Variants in ASAP2 observed in about 807,000 individuals in gnomAD.
The protein encoded by ASAP2 is ArfGAP with SH3 domain, ankyrin repeat and PH domain 2, also known as arf-GAP with SH3 domain, ANK repeat and PH domain-containing protein 2.
In ASAP2, 45 loss-of-function variants were observed where a neutral mutation model predicts 131.4. That is an observed-to-expected ratio of 0.34 (90% confidence interval 0.27 to 0.44). The LOEUF (loss-of-function observed/expected upper bound fraction) is 0.44, where lower values mean the gene tolerates loss of function less well. ASAP2 is among the 20% of genes least tolerant of loss of function. The pLI, the probability that ASAP2 is intolerant of heterozygous loss-of-function variation, is 1.00. For missense variants in ASAP2, 1,011 were observed against 1,297.0 expected, an observed-to-expected ratio of 0.78 and a Z score of 3.39; for synonymous variants, 510 against 503.0, an observed-to-expected ratio of 1.01 and a Z score of -0.19.
rs1030920526 is a variant in ASAP2 at position 9,268,539 on chromosome 2, A to C, written c.127-10778A>C. ...AAACGGAGCCCACAGGTCACAGTGC[A>C]AGTCTACGCTTCCCAAAAGGCTTCT... On this transcript the variant is annotated intron_variant, in intron 1 of 27. Coordinates refer to ENST00000281419, the MANE Select transcript of ASAP2 (RefSeq NM_003887.3). This position sits in a 1 kb window ranked among gnomAD's most constrained non-coding sequence, Gnocchi z 4.1. Among the ~76,000 whole-genome samples, 2 of 152,174 alleles carry C rather than the reference A, an allele frequency of 1.3e-5. No individual in the cohort carries two copies. Among genetic ancestry groups the C allele is most frequent in the African/African-American group, 4.8e-5 (2 of 41,440 alleles).
At chr2:9,366,841 T>C (rs1182793167) in intron 15 of ASAP2, among the ~76,000 whole-genome samples, 2 of 152,150 alleles carry the variant, frequency 1.3e-5, no homozygotes, top group African/African-American at 4.8e-5. Context: ...AAAAATTGCG[T>C]CTGCATCCTC....
chr2:9,335,283 T>G, intron 9 of ASAP2, 104 bp downstream of exon 9: 1 of 955,086 alleles, frequency 1.0e-6, no homozygotes, highest in Non-Finnish European at 1.7e-6. Flanking sequence ...CACAGTTCAC[T>G]CGGGCTGTGT....
intron 15 of ASAP2, among the ~76,000 whole-genome samples, chr2:9,367,047 T>A (rs1035204057): frequency 6.7e-6 from 1 of 149,074 alleles, no homozygotes; most frequent in African/African-American, 2.5e-5. Flanking sequence ...TTTTTTTTTG[T>A]AGAGATGGAG....
chr2:9,291,475 T>C lies in ASAP2; in HGVS notation c.200-5825T>C, dbSNP rs180948620. Among the ~76,000 whole-genome samples the C allele has an allele frequency of 3.3e-5, 5 of 152,298 alleles. No homozygotes were observed. The East Asian group carries it at 5.8e-4, about 18-fold the overall frequency. ...CAAGTGAGGTCGGAAACAGGTGGCA[T>C]GTACAGCCGACAGCCGGAGGAAATG... On this transcript the variant is annotated intron_variant, in intron 2 of 27. Coordinates refer to ENST00000281419, the MANE Select transcript of ASAP2 (RefSeq NM_003887.3).
intron 14 of ASAP2, 60 bp from the exon 15 acceptor site, chr2:9,358,696 A>T (rs1041270310): frequency 6.4e-7 from 1 of 1,566,448 alleles, no homozygotes; most frequent in Non-Finnish European, 8.7e-7. Context: ...AGGAAGAAAG[A>T]TGTGACTCCT....
chr2:9,287,607 A>C (rs987093730), intron 2 of ASAP2, among the ~76,000 whole-genome samples: 3 of 152,144 alleles, frequency 2.0e-5, no homozygotes, highest in Non-Finnish European at 4.4e-5. Context: ...CTCAGATATG[A>C]GGGAGAGGAT....
chr2:9,236,045 A>G (rs551627568), intron 1 of ASAP2, among the ~76,000 whole-genome samples: 1 of 152,270 alleles, frequency 6.6e-6, no homozygotes, highest in African/African-American at 2.4e-5. Context: ...CACCCACCAC[A>G]AAGAAGTACC....
chr2:9,351,009 A>C, intron 12 of ASAP2, 114 bp downstream of exon 12: 2 of 759,110 alleles, frequency 2.6e-6, no homozygotes, highest in Non-Finnish European at 4.0e-6. Flanking sequence ...GAAGAGACAT[A>C]CCCTTTTTCT....
intron 1 of ASAP2, among the ~76,000 whole-genome samples, chr2:9,267,357 C>T (rs1054213335): frequency 1.3e-5 from 2 of 152,094 alleles, no homozygotes; most frequent in African/African-American, 4.8e-5. Flanking sequence ...CATGAGTACT[C>T]AACATTTAGC....
chr2:9,269,398 T>C (rs1444079653), intron 1 of ASAP2, among the ~76,000 whole-genome samples: 1 of 152,140 alleles, frequency 6.6e-6, no homozygotes, highest in African/African-American at 2.4e-5. Context: ...CCGCAGGCCG[T>C]GTGTGCCCAC....
rs147656958 is a variant in ASAP2 at position 9,218,668 on chromosome 2, C to T, written c.126+11438C>T. On this transcript the variant is annotated intron_variant, in intron 1 of 27. Transcript: ENST00000281419. Reference sequence around the variant, plus strand: ...CCTTGGAGCAGGTGACTTCACTGGTCCTGCCTCAGTTGCGTCATTTGTAAC... The same window carrying T: ...CCTTGGAGCAGGTGACTTCACTGGTTCTGCCTCAGTTGCGTCATTTGTAAC... 6.4e-3 allele frequency among the ~76,000 whole-genome samples: 967 copies of T among 152,278 alleles called. 5 individuals carry two copies. The highest frequency in any genetic ancestry group is 0.017 in the Middle Eastern group (5 of 294).
In ASAP2 at chr2:9,380,648, G is replaced by A. The variant is rs1674765816; in HGVS notation, c.1949-93G>A. The A allele has an allele frequency of 7.6e-6, 9 of 1,181,986 alleles. No individual in the cohort carries two copies. The Admixed American group carries it at 1.5e-4, about 20-fold the overall frequency. 73.2% of individuals were successfully genotyped at this position (1,181,986 alleles called of 1,614,324 possible). Reference sequence around the variant, plus strand: ...TTAACCAGGCCCAATTTAATTTAGTGCTGCCTTTCTGTTCCTTTTAAAAAT... The same window carrying A: ...TTAACCAGGCCCAATTTAATTTAGTACTGCCTTTCTGTTCCTTTTAAAAAT... On this transcript the variant is annotated intron_variant, in intron 19 of 27. Transcript: ENST00000281419.
At chr2:9,285,210 A>G (rs1667390810) in intron 2 of ASAP2, among the ~76,000 whole-genome samples, 1 of 152,188 alleles carries the variant, frequency 6.6e-6, no homozygotes, top group Non-Finnish European at 1.5e-5. Context: ...AGAGAGTATC[A>G]GAATACCCCG....
chr2:9,339,442 C>G (rs914773130), intron 9 of ASAP2, among the ~76,000 whole-genome samples: 16 of 152,110 alleles, frequency 1.1e-4, no homozygotes, highest in African/African-American at 3.9e-4. Flanking sequence ...TCAGAGTTTT[C>G]AGGAGATCTA....
At chr2:9,252,681 T>TGAGGC (rs1484363263) in intron 1 of ASAP2, among the ~76,000 whole-genome samples, 1 of 151,998 alleles carries the variant, frequency 6.6e-6, no homozygotes, top group Non-Finnish European at 1.5e-5. Flanking sequence ...TTAGGGAGGT[T>TGAGGC]GAGGCGGGCA....
chr2:9,313,518 C>T (rs560337132), intron 3 of ASAP2, among the ~76,000 whole-genome samples: 1 of 152,348 alleles, frequency 6.6e-6, no homozygotes, highest in African/African-American at 2.4e-5. Flanking sequence ...TTCCCCACAA[C>T]CCACCTTATC....
intron 25 of ASAP2, 77 bp downstream of exon 25, chr2:9,400,149 G>C: frequency 1.5e-6 from 2 of 1,373,398 alleles, no homozygotes; most frequent in East Asian, 4.7e-5. Context: ...CCTGCCAGGT[G>C]GTCAGGACTG....
chr2:9,389,996 G>A lies in ASAP2; in HGVS notation c.2384-1066G>A, dbSNP rs915017353. ...ATTTTGATCATCCTCCTTCCCAGCA[G>A]TGGCTTTTGCTGACTGTGTGTGTCA... On this transcript the variant is annotated intron_variant, in intron 22 of 27. Transcript: ENST00000281419. This position sits in a 1 kb window ranked among gnomAD's most constrained non-coding sequence, Gnocchi z 4.7. Among the ~76,000 whole-genome samples the A allele has an allele frequency of 8.5e-5, 13 of 152,212 alleles. No homozygotes were observed. Among genetic ancestry groups the A allele is most frequent in the African/African-American group, 3.1e-4 (13 of 41,446 alleles).
chr2:9,294,594 ACT>A, intron 2 of ASAP2, among the ~76,000 whole-genome samples: 1 of 152,298 alleles, frequency 6.6e-6, no homozygotes, highest in African/African-American at 2.4e-5. Flanking sequence ...ATAATAGCCA[ACT>A]CTTAGTGCTC....
Sources: gnomAD v4.1 joint callset for allele counts (sites outside exome capture counted in the v4.1 genomes callset) on GRCh38, gnomAD v4.1.1 for gene constraint, Gnocchi (gnomAD v3.1) non-coding constraint, MANE v1.5 for transcripts, NCBI Gene and HGNC (gene_info 2026-07-23, HGNC 2026-07-21) for gene names.